Variants in CSMD1 observed in about 807,000 individuals in gnomAD.
The protein encoded by CSMD1 is CUB and sushi domain-containing protein 1.
CSMD1 carries 213 observed loss-of-function variants against 417.5 expected under a neutral mutation model. The observed-to-expected ratio is 0.51, with a 90% CI of 0.46 to 0.57. CSMD1 has a LOEUF of 0.57. Among genes scored for constraint, CSMD1 ranks in the 20% least tolerant of loss-of-function variants. The probability of loss-of-function intolerance (pLI) is 0.00; values close to 1 mark genes in which losing one functional copy is unlikely to be tolerated. For synonymous variants in CSMD1, 2,862 were observed against 1,736.8 expected (o/e 1.65, Z -16.11); for missense variants, 6,923 against 4,529.7 (o/e 1.53, Z -15.17).
At chr8:2,964,158 T>C (rs890691750) in intron 59 of CSMD1, among the ~76,000 whole-genome samples, 4 of 152,244 alleles carry the variant, frequency 2.6e-5, no homozygotes, top group African/African-American at 7.2e-5. Flanking sequence ...AGTTTCCAAG[T>C]GACCCTGTAG....
intron 3 of CSMD1, among the ~76,000 whole-genome samples, chr8:4,381,685 G>T (rs1039232221): frequency 1.3e-5 from 2 of 152,184 alleles, no homozygotes; most frequent in South Asian, 4.1e-4. Flanking sequence ...TGTGGGAGAA[G>T]CAGATGCGTC....
chr8:3,727,904 T>C (rs1404393817), intron 6 of CSMD1, among the ~76,000 whole-genome samples: 2 of 152,156 alleles, frequency 1.3e-5, no homozygotes, highest in Non-Finnish European at 2.9e-5. Flanking sequence ...ATTAGATACT[T>C]AGAGTAGTCA....
At chr8:3,504,552 T>A (rs1371908069) in intron 10 of CSMD1, among the ~76,000 whole-genome samples, 1 of 152,222 alleles carries the variant, frequency 6.6e-6, no homozygotes, top group Non-Finnish European at 1.5e-5. Flanking sequence ...CCCAGGCACA[T>A]TCTGCCACCA....
At chr8:3,036,763 T>C (rs1367946206) in intron 50 of CSMD1, among the ~76,000 whole-genome samples, 1 of 152,164 alleles carries the variant, frequency 6.6e-6, no homozygotes, top group Non-Finnish European at 1.5e-5. Context: ...AATCCTCTCT[T>C]AAAAAACCCG....
At chr8:3,716,719 C>T (rs2623567) in intron 6 of CSMD1, among the ~76,000 whole-genome samples, 138,036 of 152,172 alleles carry the variant, frequency 0.91, 62,783 homozygotes, top group Admixed American at 0.94. Context: ...GCCTTACTTT[C>T]TCCAGCCCCT....
intron 3 of CSMD1, among the ~76,000 whole-genome samples, chr8:4,046,929 G>C (rs780033118): frequency 6.6e-6 from 1 of 152,106 alleles, no homozygotes; most frequent in Non-Finnish European, 1.5e-5. Flanking sequence ...ATGGCCAAGA[G>C]GGAACTTGAG....
At chr8:3,179,091 G>GCACC (rs373352082) in intron 37 of CSMD1, among the ~76,000 whole-genome samples, 1 of 139,272 alleles carries the variant, frequency 7.2e-6, no homozygotes, top group East Asian at 2.2e-4. Context: ...GGGACTACAG[G>GCACC]CCCGCCACCA....
At position 4,537,724 on chromosome 8, in the gene CSMD1, G is replaced by A. The variant is rs189573431; in HGVS notation, c.302+99618C>T. ...AGACAAAAGCATGGCTTCCCCCAGC[G>A]AAGCCACGGGAATACGCAGTGGAAG... On this transcript the variant is annotated intron_variant, in intron 2 of 69. Transcript: ENST00000635120. 1.8e-3 allele frequency among the ~76,000 whole-genome samples: 272 copies of A among 152,224 alleles called. 1 individual carries two copies. Among genetic ancestry groups the A allele is most frequent in the African/African-American group, 6.2e-3 (259 of 41,546 alleles).
chr8:4,349,793 T>C lies in CSMD1; in HGVS notation c.415+70160A>G, dbSNP rs377496514. 6.7e-4 allele frequency among the ~76,000 whole-genome samples: 102 copies of C among 151,826 alleles called. 1 individual carries two copies. Among genetic ancestry groups the C allele is most frequent in the African/African-American group, 2.3e-3 (96 of 41,252 alleles). On this transcript the variant is annotated intron_variant, in intron 3 of 69. Transcript: ENST00000635120. ...CCATTAAGATATTTATTTGTCTCAATTGCTTAAAATTAAAATATGATATGA... is the reference window on the plus strand; with the variant it reads ...CCATTAAGATATTTATTTGTCTCAACTGCTTAAAATTAAAATATGATATGA...
At chr8:3,214,813 T>A in intron 29 of CSMD1, 122 bp from the exon 30 acceptor site, 1 of 552,398 alleles carries the variant, frequency 1.8e-6, no homozygotes, top group Non-Finnish European at 3.0e-6. Context: ...CCTAAATAAG[T>A]AAGAAATGCT....
At chr8:4,602,102 G>C (rs1434468922) in intron 2 of CSMD1, among the ~76,000 whole-genome samples, 1 of 152,166 alleles carries the variant, frequency 6.6e-6, no homozygotes, top group Non-Finnish European at 1.5e-5. Context: ...CCTTTATTGA[G>C]ATAAGAGCCT....
chr8:3,452,741 G>A (rs79625867), intron 12 of CSMD1, among the ~76,000 whole-genome samples: 61,234 of 151,948 alleles, frequency 0.4, 13,143 homozygotes, highest in Middle Eastern at 0.51. Flanking sequence ...GAGGATTTTT[G>A]CATCGATGTT....
chr8:4,519,511 G>C (rs1331852085), intron 2 of CSMD1, among the ~76,000 whole-genome samples: 1 of 151,686 alleles, frequency 6.6e-6, no homozygotes, highest in Non-Finnish European at 1.5e-5. Flanking sequence ...AGGCCAAGCA[G>C]GGTGGATCAT....
intron 3 of CSMD1, among the ~76,000 whole-genome samples, chr8:4,293,290 A>G (rs896339864): frequency 1.3e-5 from 2 of 152,182 alleles, no homozygotes; most frequent in East Asian, 1.9e-4. Context: ...CAGCAAATGA[A>G]AATTGGCCAG....
intron 5 of CSMD1, among the ~76,000 whole-genome samples, chr8:3,846,678 G>A (rs750848141): frequency 6.6e-6 from 1 of 152,136 alleles, no homozygotes; most frequent in Non-Finnish European, 1.5e-5. Flanking sequence ...TTTAGTTTGA[G>A]ATGGAGTTTC....
chr8:3,253,963 C>G (rs1426239385), intron 26 of CSMD1, among the ~76,000 whole-genome samples: 1 of 151,914 alleles, frequency 6.6e-6, no homozygotes, highest in African/African-American at 2.4e-5. Flanking sequence ...CTGTTTCTTC[C>G]TAGCCTTGAT....
At chr8:3,270,288 C>A (rs1364017228) in intron 26 of CSMD1, among the ~76,000 whole-genome samples, 1 of 152,026 alleles carries the variant, frequency 6.6e-6, no homozygotes, top group Non-Finnish European at 1.5e-5. Flanking sequence ...GAACTCCTGA[C>A]CTTGTGATCC....
intron 26 of CSMD1, among the ~76,000 whole-genome samples, chr8:3,273,931 G>T (rs565042863): frequency 6.6e-6 from 1 of 152,016 alleles, no homozygotes; most frequent in Admixed American, 6.6e-5. Context: ...ATTTCCTTCA[G>T]TTCTACTCTG....
chr8:4,288,593 G>C (rs1797190787), intron 3 of CSMD1, among the ~76,000 whole-genome samples: 1 of 152,188 alleles, frequency 6.6e-6, no homozygotes, highest in Non-Finnish European at 1.5e-5. Flanking sequence ...TACGCATGCA[G>C]CTGGAGTTCC....
Sources: gnomAD v4.1 joint callset for allele counts (sites outside exome capture counted in the v4.1 genomes callset) on GRCh38, gnomAD v4.1.1 for gene constraint, MANE v1.5 for transcripts, NCBI Gene and HGNC (gene_info 2026-07-23, HGNC 2026-07-21) for gene names.